The following PDE1C variants were observed in gnomAD, a reference collection of about 807,000 sequenced individuals.
PDE1C encodes phosphodiesterase 1C, also known as dual specificity calcium/calmodulin-dependent 3',5'-cyclic nucleotide phosphodiesterase 1C.
In PDE1C, 62 loss-of-function variants were observed where a neutral mutation model predicts 93.1. That is an observed-to-expected ratio of 0.67 (90% CI 0.54 to 0.82). PDE1C has a LOEUF of 0.82. Ranked by LOEUF, PDE1C falls within the 40% of genes least tolerant of loss-of-function variation. PDE1C has a pLI of 0.00. For synonymous variants in PDE1C, 325 were observed against 310.1 expected, an observed-to-expected ratio of 1.05 and a Z score of -0.50; for missense variants, 742 against 884.6, an observed-to-expected ratio of 0.84 and a Z score of 2.04.
At chr7:32,119,778 G>T (rs946460494) in intron 3 of PDE1C, among the ~76,000 whole-genome samples, 3 of 152,148 alleles carry the variant, frequency 2.0e-5, no homozygotes, top group African/African-American at 7.2e-5. Context: ...TCCCACTCAG[G>T]GACCCATGCC....
At chr7:31,773,850 T>C (rs1795660816) in intron 17 of PDE1C, among the ~76,000 whole-genome samples, 1 of 152,128 alleles carries the variant, frequency 6.6e-6, no homozygotes, top group Admixed American at 6.5e-5. Flanking sequence ...CACCTATCAA[T>C]GTACAACAGG....
intron 1 of PDE1C, among the ~76,000 whole-genome samples, chr7:32,282,390 C>T (rs1455276359): frequency 2.0e-5 from 3 of 150,212 alleles, no homozygotes. Context: ...GCAGGAGAAT[C>T]GCTTGAACCC....
chr7:31,906,534 G>C (rs1488030728), intron 2 of PDE1C, among the ~76,000 whole-genome samples: 1 of 152,070 alleles, frequency 6.6e-6, no homozygotes, highest in African/African-American at 2.4e-5. Context: ...CCATGCTTTT[G>C]GCCACGTGTA....
intron 1 of PDE1C, among the ~76,000 whole-genome samples, chr7:32,221,665 G>A (rs1806877523): frequency 6.6e-6 from 1 of 152,194 alleles, no homozygotes; most frequent in African/African-American, 2.4e-5. Context: ...GAGCTCATTG[G>A]AAAGCCATGG....
At chr7:31,966,505 T>C (rs28881548) in intron 2 of PDE1C, among the ~76,000 whole-genome samples, 5,947 of 152,028 alleles carry the variant, frequency 0.039, 404 homozygotes, top group African/African-American at 0.14. Flanking sequence ...CACACAATAA[T>C]AATGGGAGAC....
In PDE1C at chr7:31,843,112, T is replaced by A. The variant is rs189439218; in HGVS notation, c.980+4856A>T. Among the ~76,000 whole-genome samples, 375 of 152,074 alleles carry A rather than the reference T, an allele frequency of 2.5e-3. 1 individual carries two copies. The highest frequency in any genetic ancestry group is 8.7e-3 in the African/African-American group (361 of 41,570). On this transcript the variant is annotated intron_variant, in intron 9 of 17. Coordinates refer to ENST00000396191, the MANE Select transcript of PDE1C (RefSeq NM_001191057.4). Reference sequence around the variant, plus strand: ...CATACTCTTTAAGCTTATGATATTTTAAAATTATTAAAACTTATTTTAAAA... The same window carrying A: ...CATACTCTTTAAGCTTATGATATTTAAAAATTATTAAAACTTATTTTAAAA...
At chr7:32,295,329 G>A (rs913030542) in intron 1 of PDE1C, among the ~76,000 whole-genome samples, 2 of 152,158 alleles carry the variant, frequency 1.3e-5, no homozygotes, top group Non-Finnish European at 2.9e-5. Context: ...GACAAACCCG[G>A]GCTGACGGGT....
chr7:31,807,002 G>T (rs1455670016), intron 16 of PDE1C, among the ~76,000 whole-genome samples: 2 of 151,782 alleles, frequency 1.3e-5, no homozygotes, highest in Admixed American at 6.6e-5. Flanking sequence ...GGATAGGTGG[G>T]ACTCATCAAA....
chr7:32,356,681 T>C (rs1374548709), intron 1 of PDE1C, among the ~76,000 whole-genome samples: 1 of 152,218 alleles, frequency 6.6e-6, no homozygotes, highest in African/African-American at 2.4e-5. Flanking sequence ...AATTAGCTGA[T>C]GGTCTGTTAG....
At chr7:31,900,608 T>C (rs1436144620) in intron 2 of PDE1C, among the ~76,000 whole-genome samples, 2 of 151,782 alleles carry the variant, frequency 1.3e-5, no homozygotes, top group East Asian at 3.9e-4. Flanking sequence ...CAATATCCCA[T>C]ATAATATTTA....
At chr7:31,771,658 G>A (rs776479753) in intron 17 of PDE1C, among the ~76,000 whole-genome samples, 1 of 151,950 alleles carries the variant, frequency 6.6e-6, no homozygotes, top group Non-Finnish European at 1.5e-5. Flanking sequence ...TATATAATTT[G>A]AAAATATTTT....
chr7:31,668,496 A>T, the PDE1C span, among the ~76,000 whole-genome samples: 5 of 11,518 alleles, frequency 4.3e-4, no homozygotes, highest in South Asian at 4.1e-3. Flanking sequence ...TTCAGCAATA[A>T]AAAAAAAAGG....
chr7:31,873,071 T>A (rs939269526), intron 6 of PDE1C, among the ~76,000 whole-genome samples: 1 of 151,938 alleles, frequency 6.6e-6, no homozygotes, highest in Non-Finnish European at 1.5e-5. Flanking sequence ...TCTAAATGGG[T>A]CTCTCCTGTC....
chr7:32,251,381 C>T (rs961052241), intron 1 of PDE1C, among the ~76,000 whole-genome samples: 1 of 152,226 alleles, frequency 6.6e-6, no homozygotes, highest in Admixed American at 6.5e-5. Flanking sequence ...GGCAAGGGCA[C>T]CATCATCTAC....
intron 1 of PDE1C, among the ~76,000 whole-genome samples, chr7:32,062,217 C>A (rs1269873816): frequency 1.3e-5 from 2 of 152,192 alleles, no homozygotes; most frequent in Non-Finnish European, 1.5e-5. Flanking sequence ...CAAAACCCTG[C>A]GAGTTGACCT....
At chr7:31,653,082 C>G in the PDE1C span, 2 of 845,988 alleles carry the variant, frequency 2.4e-6, no homozygotes, top group Admixed American at 6.8e-5. Flanking sequence ...CGGTCTCTGC[C>G]CTGCTAGAAC....
chr7:31,905,385 C>G (rs1482427411), intron 2 of PDE1C, among the ~76,000 whole-genome samples: 1 of 152,094 alleles, frequency 6.6e-6, no homozygotes, highest in Non-Finnish European at 1.5e-5. Context: ...GTTATGCCAT[C>G]TATTTTTACA....
At chr7:31,766,765 G>A (rs1021194974) in intron 17 of PDE1C, among the ~76,000 whole-genome samples, 3 of 152,174 alleles carry the variant, frequency 2.0e-5, no homozygotes, top group Non-Finnish European at 4.4e-5. Context: ...ATTATGCTCA[G>A]CATTGTTTGT....
the PDE1C span, among the ~76,000 whole-genome samples, chr7:31,744,354 T>C: frequency 2.0e-5 from 3 of 152,134 alleles, no homozygotes; most frequent in South Asian, 4.1e-4. Flanking sequence ...TACAGAAATG[T>C]AGTGAATGAA....
Sources: gnomAD v4.1 joint callset for allele counts (sites outside exome capture counted in the v4.1 genomes callset) on GRCh38, gnomAD v4.1.1 for gene constraint, MANE v1.5 for transcripts, NCBI Gene and HGNC (gene_info 2026-07-23, HGNC 2026-07-21) for gene names.